ARHGEF28: variants seen among roughly 807,000 people sequenced by gnomAD.
The protein encoded by ARHGEF28 is 190 kDa guanine nucleotide exchange factor.
Under a neutral mutation model 206.6 loss-of-function variants are expected in ARHGEF28, and 152 were observed. The observed-to-expected ratio is 0.74, with a 90% CI of 0.64 to 0.84. The LOEUF (loss-of-function observed/expected upper bound fraction) is 0.84. Ranked by LOEUF, ARHGEF28 falls within the 40% of genes least tolerant of loss-of-function variation. ARHGEF28 has a pLI of 0.00. For missense variants in ARHGEF28, 2,028 were observed against 2,073.2 expected, an observed-to-expected ratio of 0.98 and a Z score of 0.42; for synonymous variants, 763 against 776.4, an observed-to-expected ratio of 0.98 and a Z score of 0.29.
chr5:73,650,198 T>G (rs1744712613), intron 1 of ARHGEF28, among the ~76,000 whole-genome samples: 1 of 152,058 alleles, frequency 6.6e-6, no homozygotes, highest in South Asian at 2.1e-4. Flanking sequence ...TGTGTATGCT[T>G]GTTTTAGAGC....
intron 1 of ARHGEF28, among the ~76,000 whole-genome samples, chr5:73,677,696 G>T (rs554134874): frequency 6.6e-6 from 1 of 152,226 alleles, no homozygotes; most frequent in Non-Finnish European, 1.5e-5. Flanking sequence ...GTATCTTGAT[G>T]TTCTTTTTAT....
chr5:73,817,399 A>G (rs1425105682), intron 9 of ARHGEF28, among the ~76,000 whole-genome samples: 3 of 151,986 alleles, frequency 2.0e-5, no homozygotes, highest in Non-Finnish European at 4.4e-5. Flanking sequence ...AATCATAACT[A>G]CTCTTTACTA....
Position 73,724,291 on chromosome 5 carries a change from C to CT in ARHGEF28, c.34-25540dup, listed in dbSNP as rs1261597492. Among the ~76,000 whole-genome samples, 10 of 152,326 alleles carry CT rather than the reference C, an allele frequency of 6.6e-5. No homozygotes were observed. The East Asian group carries it at 1.9e-3, about 29-fold the overall frequency. On this transcript the variant is annotated intron_variant, in intron 2 of 35. Coordinates refer to ENST00000513042, the MANE Select transcript of ARHGEF28 (RefSeq NM_001177693.2). ...ATTACATAATCTTAAAAATCAACCT[C>CT]TTTTTTCCCTTAGGAAATATAGATA...
chr5:73,706,923 T>C (rs550512075), intron 2 of ARHGEF28, among the ~76,000 whole-genome samples: 176 of 152,340 alleles, frequency 1.2e-3, no homozygotes, highest in African/African-American at 3.9e-3. Flanking sequence ...AGTCCTTAAC[T>C]TGCAGGGCTG....
intron 35 of ARHGEF28, among the ~76,000 whole-genome samples, chr5:73,935,068 T>A (rs992465434): frequency 1.3e-5 from 2 of 152,188 alleles, no homozygotes; most frequent in African/African-American, 2.4e-5. Context: ...CTCCTGTTAA[T>A]ATAATCTCAT....
chr5:73,770,175 G>GT, intron 4 of ARHGEF28, among the ~76,000 whole-genome samples: 1 of 152,190 alleles, frequency 6.6e-6, no homozygotes, highest in Non-Finnish European at 1.5e-5. Context: ...GACCTGTGCT[G>GT]TTTTTGCAGA....
chr5:73,733,991 AT>A (rs928493765), intron 2 of ARHGEF28, among the ~76,000 whole-genome samples: 6 of 152,082 alleles, frequency 3.9e-5, no homozygotes, highest in Non-Finnish European at 8.8e-5. Flanking sequence ...TTTAAATAAG[AT>A]TTTGCAAGAA....
At chr5:73,816,428 A>G (rs1756215850) in intron 9 of ARHGEF28, among the ~76,000 whole-genome samples, 1 of 152,160 alleles carries the variant, frequency 6.6e-6, no homozygotes, top group South Asian at 2.1e-4. Context: ...TGTAGGTTCA[A>G]GTCACCTGAG....
chr5:73,755,885 A>G (rs1283289240), intron 4 of ARHGEF28, among the ~76,000 whole-genome samples: 2 of 152,192 alleles, frequency 1.3e-5, no homozygotes, highest in Admixed American at 6.5e-5. Context: ...AGACAGATTT[A>G]TGTCACCAGG....
chr5:73,770,599 G>C (rs1183667108), intron 4 of ARHGEF28, among the ~76,000 whole-genome samples: 1 of 152,190 alleles, frequency 6.6e-6, no homozygotes, highest in African/African-American at 2.4e-5. Context: ...TCCACAGTTT[G>C]TTTTGCTGGC....
At chr5:73,773,786 T>C in intron 4 of ARHGEF28, 69 bp from the exon 5 acceptor site, 4 of 1,385,052 alleles carry the variant, frequency 2.9e-6, no homozygotes, top group Non-Finnish European at 3.9e-6. Context: ...CACTGTCCCT[T>C]TGATAAAATG....
intron 35 of ARHGEF28, among the ~76,000 whole-genome samples, chr5:73,927,147 G>A (rs1763859959): frequency 6.6e-6 from 1 of 151,870 alleles, no homozygotes. Flanking sequence ...GATTGCTTGA[G>A]CCCAGGAGTT....
At chr5:73,884,032 T>G (rs1761115927) in intron 24 of ARHGEF28, 148 bp downstream of exon 24, 2 of 453,640 alleles carry the variant, frequency 4.4e-6, no homozygotes. Flanking sequence ...GAATTTGGAT[T>G]AGTTTTTAGA....
At chr5:73,667,893 A>G (rs1746066809) in intron 1 of ARHGEF28, among the ~76,000 whole-genome samples, 1 of 152,242 alleles carries the variant, frequency 6.6e-6, no homozygotes, top group Non-Finnish European at 1.5e-5. Flanking sequence ...AGACATGGAC[A>G]TAAATTGAAA....
intron 9 of ARHGEF28, among the ~76,000 whole-genome samples, chr5:73,817,121 A>G (rs1302340303): frequency 6.6e-6 from 1 of 152,238 alleles, no homozygotes; most frequent in African/African-American, 2.4e-5. Context: ...ATTAGGCCCC[A>G]GGAAATGTTG....
chr5:73,830,864 C>T (rs1169994473), intron 9 of ARHGEF28, among the ~76,000 whole-genome samples: 5 of 152,048 alleles, frequency 3.3e-5, no homozygotes, highest in African/African-American at 1.2e-4. Context: ...TATGTTATGA[C>T]ATAGATAAGA....
At chr5:73,737,502 CTTTTCTTTTCTTTTCTTTTCTTTTT>C (rs1580546145) in intron 2 of ARHGEF28, among the ~76,000 whole-genome samples, 3 of 93,270 alleles carry the variant, frequency 3.2e-5, no homozygotes, top group Non-Finnish European at 6.7e-5. Context: ...CTTTTCTTTT[CTTTTCTTTTCTTTTCTTTTCTTTTT>C]TGTGATGGAG....
In ARHGEF28 at chr5:73,857,910, T is replaced by C. The variant is rs888011769; in HGVS notation, c.1914+131T>C. 2.4e-5 allele frequency: 33 copies of C among 1,385,408 alleles called. No homozygotes were observed. The Middle Eastern group carries it at 7.9e-4, about 33-fold the overall frequency. The allele number at this position is 1,385,408 out of a possible 1,614,324, so 85.8% of individuals were successfully genotyped here. A position where few individuals can be genotyped will look rare whatever the true frequency, so the allele number is the denominator to read the frequency against. Reference sequence around the variant, plus strand: ...ATTTACACATATTTCTTATGGAATATTGCTAAAGCCCAGAATATAACATTT... The same window carrying C: ...ATTTACACATATTTCTTATGGAATACTGCTAAAGCCCAGAATATAACATTT... On this transcript the variant is annotated intron_variant, in intron 15 of 35. Transcript: ENST00000513042.
In ARHGEF28 at chr5:73,850,890, A is replaced by C. The variant is rs1337836802; in HGVS notation, c.1748-1760A>C. Among the ~76,000 whole-genome samples, 4 of 152,178 alleles carry C rather than the reference A, an allele frequency of 2.6e-5. No individual in the cohort carries two copies. In the East Asian group the frequency reaches 7.7e-4, roughly 29 times the overall value. ...GGCTACTTGAGTGAAGTTTGATACT[A>C]TCCAGAAGGTAACAGTTAGAACCAG... is the stretch of plus-strand genomic sequence containing the variant. On this transcript the variant is annotated intron_variant, in intron 13 of 35. Transcript: ENST00000513042.
Sources: allele counts gnomAD v4.1 joint callset (sites outside exome capture counted in the v4.1 genomes callset), GRCh38; gene constraint gnomAD v4.1.1; transcripts MANE v1.5; gene names NCBI Gene and HGNC (gene_info 2026-07-23, HGNC 2026-07-21).